ADGRB3: variants seen among roughly 807,000 people sequenced by gnomAD.
ADGRB3 encodes the protein adhesion G protein-coupled receptor B3.
In ADGRB3, 37 loss-of-function variants were observed where a neutral mutation model predicts 193.4. The observed-to-expected ratio is 0.19, with a 90% confidence interval of 0.15 to 0.25. ADGRB3 has a LOEUF of 0.25. ADGRB3 is among the 10% of genes least tolerant of loss of function. ADGRB3 has a pLI of 1.00. For synonymous variants in ADGRB3, 690 were observed against 644.2 expected (o/e 1.07, Z -1.08); for missense variants, 1,637 against 1,852.9 (o/e 0.88, Z 2.14).
chr6:69,128,220 A>G (rs1482329), intron 17 of ADGRB3, among the ~76,000 whole-genome samples: 97,088 of 151,940 alleles, frequency 0.64, 32,250 homozygotes, highest in East Asian at 0.95. Context: ...CTGTCTACTC[A>G]TAAGAGAGTA....
chr6:69,304,081 A>C (rs150612752), intron 20 of ADGRB3, among the ~76,000 whole-genome samples: 2,615 of 151,750 alleles, frequency 0.017, 33 homozygotes, highest in Non-Finnish European at 0.027. Context: ...TTTCAACCAA[A>C]ATACAAGGGT....
At chr6:68,981,038 A>G (rs1562109344) in intron 10 of ADGRB3, among the ~76,000 whole-genome samples, 1 of 151,558 alleles carries the variant, frequency 6.6e-6, no homozygotes, top group Non-Finnish European at 1.5e-5. Context: ...ATGTATTTCT[A>G]ACTACATGGT....
chr6:69,143,083 G>A (rs1194160633), intron 17 of ADGRB3, among the ~76,000 whole-genome samples: 1 of 152,048 alleles, frequency 6.6e-6, no homozygotes, highest in East Asian at 1.9e-4. Flanking sequence ...TTTTACGTGG[G>A]GTGAGATGAT....
At chr6:69,271,416 A>G (rs1767174981) in intron 20 of ADGRB3, among the ~76,000 whole-genome samples, 1 of 152,196 alleles carries the variant, frequency 6.6e-6, no homozygotes, top group Non-Finnish European at 1.5e-5. Flanking sequence ...AGATAGTTTC[A>G]TAAATGAAGT....
At chr6:69,054,414 G>A (rs1251309241) in intron 15 of ADGRB3, among the ~76,000 whole-genome samples, 1 of 152,074 alleles carries the variant, frequency 6.6e-6, no homozygotes, top group Non-Finnish European at 1.5e-5. Context: ...ACAAATGCAC[G>A]CTGAAAGCAA....
Position 69,062,399 on chromosome 6 carries a change from T to C in ADGRB3, c.2334-535T>C, listed in dbSNP as rs1000231552. Reference sequence around the variant, plus strand: ...TCAAGCAGTGGCCTGTCAATCTCTATTGTCGAAATAAATTATGGTCAATAA... The same window carrying C: ...TCAAGCAGTGGCCTGTCAATCTCTACTGTCGAAATAAATTATGGTCAATAA... On this transcript the variant is annotated intron_variant, in intron 15 of 31. Transcript: ENST00000370598. 3.9e-5 allele frequency among the ~76,000 whole-genome samples: 6 copies of C among 152,090 alleles called. No homozygotes were observed. The South Asian group carries it at 1.2e-3, about 31-fold the overall frequency.
At position 69,361,073 on chromosome 6, in the gene ADGRB3, A is replaced by T; in HGVS notation, c.3800A>T (p.Asn1267Ile). The T allele has an allele frequency of 6.2e-7, 1 of 1,612,844 alleles. No homozygotes were observed. The highest frequency in any genetic ancestry group is 8.5e-7 in the Non-Finnish European group (1 of 1,179,228). The change falls in exon 29 of 32, where the codon AAT becomes ATT. Residue 1267 changes from asparagine (N) to isoleucine (I), a missense_variant. Physicochemically the swap from Asn to Ile is moderately radical, Grantham distance 149. Coordinates refer to ENST00000370598, the MANE Select transcript of ADGRB3 (RefSeq NM_001704.3). ...HMPMSMNELS[N>I]PCLKKENSEL... ...CCCATGAGTATGAATGAGCTTAGCA[A>T]TCCATGTTTGAAAAAAGAAAATAGT...
intron 17 of ADGRB3, among the ~76,000 whole-genome samples, chr6:69,079,866 T>A (rs1481029453): frequency 6.6e-6 from 1 of 152,048 alleles, no homozygotes; most frequent in African/African-American, 2.4e-5. Flanking sequence ...TCAGAAAGTG[T>A]TTCGTTAATC....
chr6:68,702,158 G>A (rs961674389), intron 3 of ADGRB3, among the ~76,000 whole-genome samples: 3 of 151,966 alleles, frequency 2.0e-5, no homozygotes, highest in African/African-American at 7.3e-5. Context: ...CAATCATGGT[G>A]GAAGACAAAG....
chr6:68,956,766 A>T lies in ADGRB3; in HGVS notation c.1482A>T (p.Gly494=), dbSNP rs568191754. Residue 494 remains glycine (G), a synonymous_variant, in exon 8 of 32, where the codon GGA becomes GGT. Transcript: ENST00000370598. ...GAVITGQQCE[G]TGEEVRRCNE... is the part of the protein sequence containing the mutation. ...TGATAACAGGGCAGCAATGTGAAGGAACGGGCGAAGAAGTGAGAAGATGCA... is the reference window on the plus strand; with the variant it reads ...TGATAACAGGGCAGCAATGTGAAGGTACGGGCGAAGAAGTGAGAAGATGCA... 1 of 1,614,070 alleles carries T rather than the reference A, an allele frequency of 6.2e-7. No individual in the cohort carries two copies. Among genetic ancestry groups the T allele is most frequent in the South Asian group, 1.1e-5 (1 of 91,080 alleles).
chr6:68,636,926 C>T (rs1024768994), intron 1 of ADGRB3, among the ~76,000 whole-genome samples: 1 of 145,120 alleles, frequency 6.9e-6, no homozygotes, highest in South Asian at 2.1e-4. Flanking sequence ...AAGAACACTG[C>T]GCAGACCTGC....
chr6:68,936,443 A>G, intron 4 of ADGRB3, 76 bp from the exon 5 acceptor site: 1 of 1,372,172 alleles, frequency 7.3e-7, no homozygotes. Context: ...GCATGTCATA[A>G]TGTCAGTTTG....
intron 3 of ADGRB3, among the ~76,000 whole-genome samples, chr6:68,718,303 G>T (rs532372352): frequency 1.3e-5 from 2 of 151,760 alleles, no homozygotes; most frequent in East Asian, 2.0e-4. Context: ...AATTTTTGCA[G>T]ATTGGAGCCC....
intron 20 of ADGRB3, among the ~76,000 whole-genome samples, chr6:69,259,454 G>T (rs904307299): frequency 6.6e-6 from 1 of 152,070 alleles, no homozygotes; most frequent in Non-Finnish European, 1.5e-5. Context: ...TCAGCATTTT[G>T]GGAGGCCAAG....
At chr6:68,877,771 C>CT (rs545077180) in intron 3 of ADGRB3, among the ~76,000 whole-genome samples, 1 of 152,024 alleles carries the variant, frequency 6.6e-6, no homozygotes, top group Non-Finnish European at 1.5e-5. Context: ...ATATCAAGGA[C>CT]TTTTTTTAAT....
At chr6:68,764,988 A>G (rs1766482465) in intron 3 of ADGRB3, among the ~76,000 whole-genome samples, 1 of 152,156 alleles carries the variant, frequency 6.6e-6, no homozygotes, top group Admixed American at 6.5e-5. Context: ...GTAACTGCTG[A>G]TATAATGTAA....
chr6:69,019,215 GCTT>G (rs1380302383), intron 13 of ADGRB3, among the ~76,000 whole-genome samples: 2 of 151,890 alleles, frequency 1.3e-5, no homozygotes, highest in Admixed American at 6.6e-5. Flanking sequence ...TTTCTTTAAA[GCTT>G]CTTCTGATAA....
intron 17 of ADGRB3, among the ~76,000 whole-genome samples, chr6:69,214,395 G>A (rs1430208225): frequency 4.6e-5 from 7 of 152,034 alleles, no homozygotes; most frequent in African/African-American, 7.2e-5. Context: ...AGCATCCTCC[G>A]TCTCTGCTGA....
chr6:68,868,005 G>C (rs777786809), intron 3 of ADGRB3, among the ~76,000 whole-genome samples: 1 of 152,182 alleles, frequency 6.6e-6, no homozygotes, highest in Non-Finnish European at 1.5e-5. Flanking sequence ...GTTAATGCTA[G>C]GATGAGTTAA....
Sources: gnomAD v4.1 joint callset for allele counts (sites outside exome capture counted in the v4.1 genomes callset) on GRCh38, gnomAD v4.1.1 for gene constraint, MANE v1.5 for transcripts, NCBI Gene and HGNC (gene_info 2026-07-23, HGNC 2026-07-21) for gene names.